Variants in SYNPR observed in about 807,000 individuals in gnomAD.
The protein encoded by SYNPR is synaptoporin.
SYNPR carries 23 observed loss-of-function variants against 32.9 expected under a neutral mutation model. The ratio of observed to expected loss-of-function variants is 0.70; its 90% CI spans 0.50 to 0.99. SYNPR has a LOEUF of 0.99. Ranked by LOEUF, SYNPR falls within the 50% of genes least tolerant of loss-of-function variation. The pLI is 0.00. For synonymous variants in SYNPR, 146 were observed against 135.9 expected, an observed-to-expected ratio of 1.07 and a Z score of -0.52; for missense variants, 318 against 349.3, an observed-to-expected ratio of 0.91 and a Z score of 0.71.
At chr3:63,258,565 C>T (rs1396252512) in intron 2 of SYNPR, among the ~76,000 whole-genome samples, 1 of 151,958 alleles carries the variant, frequency 6.6e-6, no homozygotes, top group African/African-American at 2.4e-5. Context: ...GGGGCATATT[C>T]AAAGCAGTGC....
rs575475601 is a variant in SYNPR at position 63,575,258 on chromosome 3, T to C, written c.408+18517T>C. Among the ~76,000 whole-genome samples the C allele has an allele frequency of 4.6e-5, 7 of 152,266 alleles. No homozygotes were observed. The South Asian group carries it at 1.5e-3, about 32-fold the overall frequency. On this transcript the variant is annotated intron_variant, in intron 4 of 5. Coordinates refer to ENST00000478300, the MANE Select transcript of SYNPR (RefSeq NM_001130003.2). ...GAAGCTTATTAAATGACTTGTTCTT[T>C]ATTCCAGGCCCTCGTTTCATACCCA...
At chr3:63,241,001 A>G (rs2086237813) in intron 1 of SYNPR, among the ~76,000 whole-genome samples, 1 of 151,940 alleles carries the variant, frequency 6.6e-6, no homozygotes, top group Non-Finnish European at 1.5e-5. Context: ...TAGTAAAATG[A>G]CCCTTATTTA....
intron 3 of SYNPR, among the ~76,000 whole-genome samples, chr3:63,505,599 G>T (rs187141872): frequency 6.6e-6 from 1 of 152,262 alleles, no homozygotes; most frequent in East Asian, 1.9e-4. Flanking sequence ...CAGCTTGAAG[G>T]TTGTCTACAG....
intron 2 of SYNPR, among the ~76,000 whole-genome samples, chr3:63,380,911 T>C (rs1471289234): frequency 1.3e-5 from 2 of 152,068 alleles, no homozygotes; most frequent in African/African-American, 2.4e-5. Flanking sequence ...CTCAAAATAA[T>C]AAGAGCTATC....
intron 2 of SYNPR, among the ~76,000 whole-genome samples, chr3:63,264,346 A>G (rs1039819600): frequency 1.3e-5 from 2 of 152,230 alleles, no homozygotes; most frequent in African/African-American, 4.8e-5. Context: ...TGATGCCTGA[A>G]TTTAAGCGAA....
intron 3 of SYNPR, among the ~76,000 whole-genome samples, chr3:63,490,162 G>A (rs1344362940): frequency 1.3e-5 from 2 of 152,108 alleles, no homozygotes; most frequent in East Asian, 1.9e-4. Context: ...AGATGTCTGA[G>A]GGGTATATTC....
chr3:63,462,358 T>C (rs78852289), intron 2 of SYNPR, among the ~76,000 whole-genome samples: 3,002 of 152,070 alleles, frequency 0.02, 105 homozygotes, highest in African/African-American at 0.069. Context: ...TAAATACGCA[T>C]ACACCCAGTA....
At chr3:63,258,276 A>C (rs1314305667) in intron 2 of SYNPR, among the ~76,000 whole-genome samples, 1 of 152,150 alleles carries the variant, frequency 6.6e-6, no homozygotes, top group Non-Finnish European at 1.5e-5. Context: ...ACATTCTTTT[A>C]AGCACCACAC....
intron 2 of SYNPR, among the ~76,000 whole-genome samples, chr3:63,444,797 A>G (rs572981265): frequency 6.6e-6 from 1 of 152,210 alleles, no homozygotes; most frequent in South Asian, 2.1e-4. Flanking sequence ...CTGAATTTTG[A>G]TCAATCTAAC....
chr3:63,516,107 G>C (rs1365758322), intron 3 of SYNPR, among the ~76,000 whole-genome samples: 3 of 152,022 alleles, frequency 2.0e-5, no homozygotes, highest in African/African-American at 4.8e-5. Flanking sequence ...CTGGTTCAAA[G>C]TATATCCATA....
chr3:63,604,880 A>T, intron 4 of SYNPR, among the ~76,000 whole-genome samples: 1 of 152,358 alleles, frequency 6.6e-6, no homozygotes, highest in South Asian at 2.1e-4. Flanking sequence ...TAATTATAAA[A>T]TGAGTTTTTA....
intron 3 of SYNPR, among the ~76,000 whole-genome samples, chr3:63,539,789 G>A (rs187352915): frequency 3.9e-5 from 6 of 152,214 alleles, no homozygotes; most frequent in Non-Finnish European, 8.8e-5. Context: ...ATCACTGTGG[G>A]CAACTGGGGC....
At chr3:63,324,363 C>T (rs1230508398) in intron 2 of SYNPR, among the ~76,000 whole-genome samples, 2 of 152,026 alleles carry the variant, frequency 1.3e-5, no homozygotes, top group African/African-American at 4.8e-5. Flanking sequence ...AATAAAGAGC[C>T]TTGAAGGCTA....
chr3:63,273,236 A>G (rs185427064), intron 3 of SYNPR, among the ~76,000 whole-genome samples: 1 of 152,292 alleles, frequency 6.6e-6, no homozygotes, highest in Admixed American at 6.5e-5. Context: ...TGCAATGAAA[A>G]CTGCAAATCA....
At chr3:63,235,715 C>A (rs1460601673) in intron 1 of SYNPR, among the ~76,000 whole-genome samples, 2 of 152,190 alleles carry the variant, frequency 1.3e-5, no homozygotes, top group South Asian at 2.1e-4. Flanking sequence ...TATTTGGTCT[C>A]ATTTCTAAAA....
chr3:63,573,419 C>T (rs190879071), intron 4 of SYNPR, among the ~76,000 whole-genome samples: 8 of 152,208 alleles, frequency 5.3e-5, no homozygotes, highest in Admixed American at 2.0e-4. Flanking sequence ...ATGTCAAGAC[C>T]GTTAAGAGGC....
At chr3:63,545,966 TG>T (rs1361958317) in intron 3 of SYNPR, among the ~76,000 whole-genome samples, 1 of 152,150 alleles carries the variant, frequency 6.6e-6, no homozygotes, top group Admixed American at 6.6e-5. Context: ...ATAAAATAGA[TG>T]AATAAGCCGT....
At chr3:63,455,119 C>T (rs1261747733) in intron 2 of SYNPR, among the ~76,000 whole-genome samples, 2 of 152,060 alleles carry the variant, frequency 1.3e-5, no homozygotes, top group African/African-American at 4.8e-5. Flanking sequence ...TTAGTGAATT[C>T]TACCAGCTAA....
chr3:63,293,547 T>C (rs2086762836), intron 2 of SYNPR, among the ~76,000 whole-genome samples: 1 of 152,186 alleles, frequency 6.6e-6, no homozygotes, highest in Admixed American at 6.5e-5. Context: ...AATGTATTAA[T>C]TTGCTAGAGA....
Sources: allele counts gnomAD v4.1 joint callset (sites outside exome capture counted in the v4.1 genomes callset), GRCh38; gene constraint gnomAD v4.1.1; transcripts MANE v1.5; gene names NCBI Gene and HGNC (gene_info 2026-07-23, HGNC 2026-07-21).